The following CD200R1 variants were observed in gnomAD, a reference collection of about 807,000 sequenced individuals.
CD200R1 encodes the protein CD200 receptor 1, also known as cell surface glycoprotein CD200 receptor 1.
A neutral mutation model predicts 38.1 loss-of-function variants in CD200R1; 30 were observed. The ratio of observed to expected loss-of-function variants is 0.79; its 90% CI spans 0.59 to 1.07. The LOEUF (loss-of-function observed/expected upper bound fraction) is 1.07, where lower values mean the gene tolerates loss of function less well. CD200R1 is among the 50% of genes least tolerant of loss of function. The pLI is 0.00. For synonymous variants in CD200R1, 128 were observed against 152.1 expected, an observed-to-expected ratio of 0.84 and a Z score of 1.16; for missense variants, 372 against 415.4, an observed-to-expected ratio of 0.90 and a Z score of 0.91.
chr3:112,942,698 G>C (rs1404346441), intron 2 of CD200R1, among the ~76,000 whole-genome samples: 2 of 151,290 alleles, frequency 1.3e-5, no homozygotes, highest in Non-Finnish European at 3.0e-5. Context: ...CAAAAAGCAA[G>C]ACCAATTATA....
intron 2 of CD200R1, among the ~76,000 whole-genome samples, chr3:112,944,767 T>C (rs1940808201): frequency 6.6e-6 from 1 of 152,076 alleles, no homozygotes; most frequent in African/African-American, 2.4e-5. Context: ...AAAAAACTCC[T>C]AGAACTAATA....
chr3:112,945,085 A>G (rs1247566241), intron 2 of CD200R1, among the ~76,000 whole-genome samples: 1 of 152,202 alleles, frequency 6.6e-6, no homozygotes, highest in African/African-American at 2.4e-5. Flanking sequence ...ATCTAAGTAA[A>G]TGGAGTGAGA....
At chr3:112,949,818 T>C (rs114554876) in intron 1 of CD200R1, among the ~76,000 whole-genome samples, 93 of 152,348 alleles carry the variant, frequency 6.1e-4, no homozygotes, top group African/African-American at 2.1e-3. Flanking sequence ...ACACAGACAC[T>C]ATGAATTCTA....
chr3:112,966,042 C>T (rs1481108808), intron 1 of CD200R1, among the ~76,000 whole-genome samples: 3 of 152,166 alleles, frequency 2.0e-5, no homozygotes, highest in Non-Finnish European at 4.4e-5. Context: ...GCAAGTAGCT[C>T]GGCAGAGCTC....
chr3:112,972,589 C>T (rs1051011567), intron 1 of CD200R1, among the ~76,000 whole-genome samples: 12 of 151,986 alleles, frequency 7.9e-5, no homozygotes, highest in Admixed American at 4.6e-4. Context: ...GGGGAGTGTC[C>T]GGGAAGGGGA....
chr3:112,923,917 A>C, intron 7 of CD200R1, 118 bp from the exon 8 acceptor site: 1 of 595,988 alleles, frequency 1.7e-6, no homozygotes, highest in Non-Finnish European at 2.9e-6. Flanking sequence ...AGTGCTTATA[A>C]TTGTGTTTCT....
At chr3:112,945,804 C>T (rs1414353143) in intron 2 of CD200R1, among the ~76,000 whole-genome samples, 2 of 152,006 alleles carry the variant, frequency 1.3e-5, no homozygotes, top group African/African-American at 4.8e-5. Context: ...CCGAGGCGGG[C>T]GGATCACGAG....
intron 2 of CD200R1, among the ~76,000 whole-genome samples, chr3:112,934,449 T>C (rs894147556): frequency 2.6e-5 from 4 of 151,794 alleles, no homozygotes; most frequent in East Asian, 1.9e-4. Context: ...AAATGACAGA[T>C]GTAAGTTCTC....
chr3:112,968,612 G>A (rs1011179768), intron 1 of CD200R1, among the ~76,000 whole-genome samples: 2 of 152,144 alleles, frequency 1.3e-5, no homozygotes, highest in African/African-American at 4.8e-5. Context: ...ACATTAGGCA[G>A]CTACTCTAAT....
chr3:112,966,734 T>A (rs756112465), intron 1 of CD200R1, among the ~76,000 whole-genome samples: 42 of 152,160 alleles, frequency 2.8e-4, no homozygotes, highest in Admixed American at 5.2e-4. Flanking sequence ...TTGAACACAT[T>A]CAGGTTTCCC....
At chr3:112,930,740 C>T (rs1033539930) in intron 3 of CD200R1, among the ~76,000 whole-genome samples, 1 of 152,214 alleles carries the variant, frequency 6.6e-6, no homozygotes, top group Non-Finnish European at 1.5e-5. Flanking sequence ...TCTTTCCTAT[C>T]CTGTTTTGGT....
At chr3:112,962,584 C>T (rs765092510) in intron 1 of CD200R1, among the ~76,000 whole-genome samples, 1 of 152,102 alleles carries the variant, frequency 6.6e-6, no homozygotes, top group Non-Finnish European at 1.5e-5. Context: ...AAGTACTTTA[C>T]CTGCATCATT....
rs1940379086 is a variant in CD200R1, at chr3:112,929,636, C to T, written c.203-129G>A. The T allele has an allele frequency of 4.8e-6, 4 of 825,140 alleles. No individual in the cohort carries two copies. The Admixed American group carries it at 1.3e-4, about 27-fold the overall frequency. 51.1% of individuals were successfully genotyped at this position (825,140 alleles called of 1,614,324 possible). A position where few individuals can be genotyped will look rare whatever the true frequency, so the allele number is the denominator to read the frequency against. On this transcript the variant is annotated intron_variant, in intron 3 of 7. Transcript: ENST00000308611. ...TGATCTTATTCCAAAAATATTAGACCTTCATAAAAAATTAAAATTCTCAAA... is the reference window on the plus strand; with the variant it reads ...TGATCTTATTCCAAAAATATTAGACTTTCATAAAAAATTAAAATTCTCAAA...
At chr3:112,973,395 T>C (rs554837118) in intron 1 of CD200R1, among the ~76,000 whole-genome samples, 13 of 152,312 alleles carry the variant, frequency 8.5e-5, no homozygotes, top group South Asian at 4.2e-4. Flanking sequence ...ATGAGGAAAA[T>C]TGCCCACTCA....
intron 2 of CD200R1, among the ~76,000 whole-genome samples, chr3:112,935,527 G>A (rs1940554769): frequency 1.3e-5 from 2 of 152,090 alleles, no homozygotes; most frequent in Non-Finnish European, 2.9e-5. Context: ...AGAATTTCTT[G>A]AAACAAATGA....
rs970456772 is a variant in CD200R1, at chr3:112,921,514, G to A, written c.*2163C>T. 6.6e-6 allele frequency: 1 copy of A among 151,922 alleles called. No homozygotes were observed. The highest frequency in any genetic ancestry group is 2.4e-5 in the African/African-American group (1 of 41,402). 9.4% of individuals were successfully genotyped at this position (151,922 alleles called of 1,614,324 possible). A position where few individuals can be genotyped will look rare whatever the true frequency, so the allele number is the denominator to read the frequency against. On this transcript the variant is annotated 3_prime_UTR_variant, in exon 8 of 8. Coordinates refer to ENST00000308611, the MANE Select transcript of CD200R1 (RefSeq NM_138806.4). ...AAGCAAAGGAAAAGATACAAAATGG[G>A]ATGGGGAGAAAGCACAGTAAATGAG...
At chr3:112,930,610 C>T (rs941415761) in intron 3 of CD200R1, among the ~76,000 whole-genome samples, 1 of 152,198 alleles carries the variant, frequency 6.6e-6, no homozygotes, top group African/African-American at 2.4e-5. Flanking sequence ...TTTGTCACTA[C>T]TCACCTCTAA....
chr3:112,944,486 CAACTT>C (rs1940798962), intron 2 of CD200R1, among the ~76,000 whole-genome samples: 2 of 151,642 alleles, frequency 1.3e-5, no homozygotes, highest in Non-Finnish European at 1.5e-5. Context: ...AGAAATTTCT[CAACTT>C]AAAAAACATC....
chr3:112,974,723 A>G, intron 1 of CD200R1, 68 bp downstream of exon 1: 1 of 1,086,440 alleles, frequency 9.2e-7, no homozygotes, highest in Admixed American at 1.7e-5. Flanking sequence ...GAAGAAAGAC[A>G]AAAAATAAAC....
Sources: allele counts gnomAD v4.1 joint callset (sites outside exome capture counted in the v4.1 genomes callset), GRCh38; gene constraint gnomAD v4.1.1; transcripts MANE v1.5; gene names NCBI Gene and HGNC (gene_info 2026-07-23, HGNC 2026-07-21).